Variants in ANKAR observed in about 807,000 individuals in gnomAD.
ANKAR encodes the protein ankyrin and armadillo repeat containing.
ANKAR carries 136 observed loss-of-function variants against 146.2 expected under a neutral mutation model. The ratio of observed to expected loss-of-function variants is 0.93; its 90% CI spans 0.81 to 1.07. The LOEUF (loss-of-function observed/expected upper bound fraction) is 1.07. ANKAR is among the 50% of genes least tolerant of loss of function. The pLI is 0.00. For missense variants in ANKAR, 1,567 were observed against 1,679.9 expected, an observed-to-expected ratio of 0.93 and a Z score of 1.18; for synonymous variants, 500 against 575.8, an observed-to-expected ratio of 0.87 and a Z score of 1.88.
At position 189,743,419 on chromosome 2, in the gene ANKAR, G is replaced by A. The variant is rs1198356489; in HGVS notation, c.3955G>A (p.Ala1319Thr). 6.2e-7 allele frequency: 1 copy of A among 1,613,804 alleles called. No individual in the cohort carries two copies. Among genetic ancestry groups the A allele is most frequent in the East Asian group, 2.2e-5 (1 of 44,868 alleles). ...NISRDASINP[A>T]FLKEFQMQQT... ...CAGCAGAGATGCAAGTATTAACCCA[G>A]CATTTTTAAAGGAATTTCAAATGCA... The change falls in exon 21 of 23, where the codon GCA becomes ACA. Residue 1319 changes from alanine to threonine, a missense_variant. Coordinates refer to ENST00000684021, the MANE Select transcript of ANKAR (RefSeq NM_001378068.1).
At position 189,727,419 on chromosome 2, in the gene ANKAR, C is replaced by T. The variant is rs373141396; in HGVS notation, c.2636-437C>T. Among the ~76,000 whole-genome samples the T allele has an allele frequency of 1.2e-4, 18 of 151,264 alleles. No individual in the cohort carries two copies. The East Asian group carries it at 2.5e-3, about 21-fold the overall frequency. On this transcript the variant is annotated intron_variant, in intron 12 of 22. Coordinates refer to ENST00000684021, the MANE Select transcript of ANKAR (RefSeq NM_001378068.1). ...GTGTGGTGGTGCACACCTGTAGTCCCAGCTACTCAGGAGGCTGAGGTGGGA... is the reference window on the plus strand; with the variant it reads ...GTGTGGTGGTGCACACCTGTAGTCCTAGCTACTCAGGAGGCTGAGGTGGGA...
intron 18 of ANKAR, chr2:189,755,120 AGT>A (rs769588686): frequency 5.1e-6 from 8 of 1,566,540 alleles, no homozygotes; most frequent in Non-Finnish European, 6.0e-6. Context: ...ATTGCTACTT[AGT>A]TGAAATGGAC....
intron 15 of ANKAR, among the ~76,000 whole-genome samples, chr2:189,729,043 G>A (rs979108818): frequency 6.6e-6 from 1 of 152,130 alleles, no homozygotes; most frequent in Admixed American, 6.6e-5. Context: ...CTTGAACAAT[G>A]GCTAGAAAGG....
chr2:189,757,580 T>A (rs1051693216), intron 18 of ANKAR, among the ~76,000 whole-genome samples: 1 of 152,190 alleles, frequency 6.6e-6, no homozygotes, highest in African/African-American at 2.4e-5. Context: ...ATTTTACAGA[T>A]AAGGAAACTG....
intron 18 of ANKAR, among the ~76,000 whole-genome samples, chr2:189,753,317 CTTT>C (rs747450481): frequency 2.6e-5 from 4 of 151,912 alleles, no homozygotes; most frequent in Non-Finnish European, 4.4e-5. Context: ...AAAAATTATT[CTTT>C]GATATCCATG....
chr2:189,758,707 T>C (rs1476021103), intron 18 of ANKAR, among the ~76,000 whole-genome samples: 1 of 152,204 alleles, frequency 6.6e-6, no homozygotes, highest in East Asian at 1.9e-4. Flanking sequence ...AACATTGTGT[T>C]AGGCACTAGG....
At chr2:189,731,921 C>G (rs1480824841) in intron 16 of ANKAR, among the ~76,000 whole-genome samples, 1 of 151,954 alleles carries the variant, frequency 6.6e-6, no homozygotes, top group African/African-American at 2.4e-5. Context: ...AGGCTGTTCT[C>G]GAATGCCTGG....
chr2:189,698,391 A>G (rs2037558486), intron 7 of ANKAR, among the ~76,000 whole-genome samples: 1 of 152,042 alleles, frequency 6.6e-6, no homozygotes, highest in Non-Finnish European at 1.5e-5. Flanking sequence ...CAACTTAAAA[A>G]AAAAAAAGTT....
intron 10 of ANKAR, among the ~76,000 whole-genome samples, chr2:189,717,827 T>C (rs1459883070): frequency 6.6e-6 from 1 of 152,060 alleles, no homozygotes; most frequent in Non-Finnish European, 1.5e-5. Context: ...CTGAGCAAAC[T>C]ATCACAAGGA....
At chr2:189,734,028 G>A (rs959640595) in intron 17 of ANKAR, among the ~76,000 whole-genome samples, 2 of 152,020 alleles carry the variant, frequency 1.3e-5, no homozygotes, top group Admixed American at 1.3e-4. Flanking sequence ...TGACCTTGAT[G>A]TTTTCCCCTA....
chr2:189,746,428 C>A lies in ANKAR; in HGVS notation c.4106C>A (p.Ser1369Tyr), dbSNP rs1206258654. ...KLKPKIQPKD[S>Y]LTLLPPVTNF... is the part of the protein sequence containing the mutation. Reference sequence around the variant, plus strand: ...AAACCTAAAATTCAACCAAAAGATTCTTTGACTTTATTACCTCCTGTAACT... The same window carrying A: ...AAACCTAAAATTCAACCAAAAGATTATTTGACTTTATTACCTCCTGTAACT... Residue 1369 changes from serine to tyrosine, a missense_variant, in exon 23 of 23, where the codon TCT (serine) becomes TAT (tyrosine). Coordinates refer to ENST00000684021, the MANE Select transcript of ANKAR (RefSeq NM_001378068.1). 1 of 1,608,098 alleles carries A rather than the reference C, an allele frequency of 6.2e-7. No homozygotes were observed. The highest frequency in any genetic ancestry group is 8.5e-7 in the Non-Finnish European group (1 of 1,178,494).
chr2:189,699,750 C>T (rs2105603126), intron 7 of ANKAR, among the ~76,000 whole-genome samples: 1 of 152,266 alleles, frequency 6.6e-6, no homozygotes, highest in Admixed American at 6.5e-5. Flanking sequence ...ACTTCCGCCT[C>T]CCGGCCCCTG....
At chr2:189,754,290 C>T in intron 18 of ANKAR, 1 of 1,613,714 alleles carries the variant, frequency 6.2e-7, no homozygotes, top group Non-Finnish European at 8.5e-7. Flanking sequence ...TATGGCTTTC[C>T]CACCACTCAT....
chr2:189,699,078 A>G (rs773802075), intron 7 of ANKAR, among the ~76,000 whole-genome samples: 2 of 152,228 alleles, frequency 1.3e-5, no homozygotes, highest in African/African-American at 2.4e-5. Flanking sequence ...TGTTAGCCAC[A>G]GTTTCCTAAC....
chr2:189,712,089 G>A (rs111462122), intron 10 of ANKAR, among the ~76,000 whole-genome samples: 1 of 152,226 alleles, frequency 6.6e-6, no homozygotes, highest in Non-Finnish European at 1.5e-5. Context: ...CAAAGCGGCC[G>A]GGAAGCTTGA....
At chr2:189,675,610 A>G (rs1340714571) in intron 1 of ANKAR, among the ~76,000 whole-genome samples, 2 of 152,142 alleles carry the variant, frequency 1.3e-5, no homozygotes, top group Admixed American at 1.3e-4. Context: ...GGCCTCCCAA[A>G]GTGCTGGGAT....
chr2:189,741,507 C>T lies in ANKAR; in HGVS notation c.3810+56C>T, dbSNP rs973155534. The stretch of plus-strand genomic sequence containing the variant: ...TAAATATGCTAAAAATATAATTTAC[C>T]TCTCCCTCTGTGGACTAATTTTTCC... On this transcript the variant is annotated intron_variant, in intron 20 of 22. Coordinates refer to ENST00000684021, the MANE Select transcript of ANKAR (RefSeq NM_001378068.1). 1.5e-4 allele frequency: 194 copies of T among 1,337,684 alleles called. 4 individuals are homozygous for T. In the East Asian group the frequency reaches 4.4e-3, roughly 30 times the overall value. 82.9% of individuals were successfully genotyped at this position (1,337,684 alleles called of 1,614,324 possible). A position where few individuals can be genotyped will look rare whatever the true frequency, so the allele number is the denominator to read the frequency against.
intron 10 of ANKAR, among the ~76,000 whole-genome samples, chr2:189,718,372 A>G (rs112111711): frequency 0.053 from 7,998 of 151,098 alleles, 335 homozygotes; most frequent in African/African-American, 0.11. Flanking sequence ...ACACACACAC[A>G]CACACACACA....
chr2:189,709,355 T>A (rs773501802), intron 9 of ANKAR, among the ~76,000 whole-genome samples: 1 of 152,086 alleles, frequency 6.6e-6, no homozygotes, highest in Non-Finnish European at 1.5e-5. Flanking sequence ...TATATAAATA[T>A]GTAGAAATAA....
Sources: allele counts gnomAD v4.1 joint callset (sites outside exome capture counted in the v4.1 genomes callset), GRCh38; gene constraint gnomAD v4.1.1; transcripts MANE v1.5; gene names NCBI Gene and HGNC (gene_info 2026-07-23, HGNC 2026-07-21).